The following NRXN1 variants were observed in gnomAD, a reference collection of about 807,000 sequenced individuals.
NRXN1 encodes neurexin-1.
NRXN1 carries 39 observed loss-of-function variants against 150.9 expected under a neutral mutation model. The ratio of observed to expected loss-of-function variants is 0.26; its 90% CI spans 0.20 to 0.34. NRXN1 has a LOEUF of 0.34. Among genes scored for constraint, NRXN1 ranks in the 10% least tolerant of loss-of-function variants. NRXN1 has a pLI of 1.00. For missense variants in NRXN1, 1,815 were observed against 1,949.9 expected (o/e 0.93, Z 1.30); for synonymous variants, 924 against 757.0 (o/e 1.22, Z -3.62).
At chr2:49,994,669 A>G (rs1432232790) in intron 21 of NRXN1, among the ~76,000 whole-genome samples, 1 of 152,164 alleles carries the variant, frequency 6.6e-6, no homozygotes, top group Non-Finnish European at 1.5e-5. Flanking sequence ...AAGACAGAAC[A>G]TGGTCATCCT....
intron 21 of NRXN1, among the ~76,000 whole-genome samples, chr2:49,977,419 A>G (rs1341784355): frequency 6.6e-6 from 1 of 152,186 alleles, no homozygotes; most frequent in Non-Finnish European, 1.5e-5. Flanking sequence ...TATCACAAAT[A>G]ATTATTTGGA....
At chr2:50,942,594 A>C (rs1689634417) in intron 2 of NRXN1, among the ~76,000 whole-genome samples, 1 of 152,198 alleles carries the variant, frequency 6.6e-6, no homozygotes, top group Non-Finnish European at 1.5e-5. Context: ...TGGAGCTTTA[A>C]GATTTAATAA....
chr2:50,396,542 T>C (rs2082061970), intron 17 of NRXN1, among the ~76,000 whole-genome samples: 1 of 152,162 alleles, frequency 6.6e-6, no homozygotes, highest in African/African-American at 2.4e-5. Flanking sequence ...TTTTTTGTTT[T>C]GTTTTTGGAA....
intron 21 of NRXN1, among the ~76,000 whole-genome samples, chr2:50,001,460 AT>A (rs1447530944): frequency 6.6e-6 from 1 of 152,082 alleles, no homozygotes; most frequent in Non-Finnish European, 1.5e-5. Context: ...TTTAGGGGGT[AT>A]ATAAAAGAGT....
intron 21 of NRXN1, among the ~76,000 whole-genome samples, chr2:49,950,085 C>A (rs1031677308): frequency 3.3e-5 from 5 of 151,754 alleles, no homozygotes; most frequent in African/African-American, 1.2e-4. Flanking sequence ...CAAGAAGTTT[C>A]TAGGAGGTAA....
At chr2:51,000,052 G>A (rs77267092) in intron 2 of NRXN1, among the ~76,000 whole-genome samples, 2,769 of 151,972 alleles carry the variant, frequency 0.018, 86 homozygotes, top group African/African-American at 0.064. Context: ...TTCAATTACC[G>A]TGCCCATCTA....
At chr2:50,690,937 C>A (rs1008347872) in intron 5 of NRXN1, among the ~76,000 whole-genome samples, 7 of 152,138 alleles carry the variant, frequency 4.6e-5, no homozygotes, top group Admixed American at 1.3e-4. Context: ...GCCCCCTCAT[C>A]GGGTACAACA....
At chr2:50,623,222 C>T (rs1680362993) in intron 6 of NRXN1, 92 bp downstream of exon 6, 4 of 972,226 alleles carry the variant, frequency 4.1e-6, no homozygotes, top group Admixed American at 4.8e-5. Flanking sequence ...CTCTGAGGAG[C>T]CCTGTATCAT....
chr2:50,408,860 TCTCTCTCTCTCTCTCA>T (rs767589552), intron 17 of NRXN1, among the ~76,000 whole-genome samples: 1 of 114,376 alleles, frequency 8.7e-6, no homozygotes, highest in African/African-American at 4.6e-5. Context: ...TCTCTCTCTC[TCTCTCTCTCTCTCTCA>T]TATTTATATG....
intron 8 of NRXN1, among the ~76,000 whole-genome samples, chr2:50,585,424 T>G (rs546731588): frequency 1.3e-5 from 2 of 152,234 alleles, no homozygotes; most frequent in African/African-American, 4.8e-5. Flanking sequence ...TTTTGCAAGA[T>G]GAAAAAGTTT....
intron 18 of NRXN1, among the ~76,000 whole-genome samples, chr2:50,212,635 C>T (rs1445546274): frequency 6.6e-6 from 1 of 151,858 alleles, no homozygotes; most frequent in African/African-American, 2.4e-5. Flanking sequence ...TGGGACATTA[C>T]AGTTCCTTTA....
intron 5 of NRXN1, among the ~76,000 whole-genome samples, chr2:50,668,714 A>G (rs2104706718): frequency 6.6e-6 from 1 of 152,136 alleles, no homozygotes; most frequent in South Asian, 2.1e-4. Context: ...TTTGGAACGC[A>G]TGGATAGCAT....
rs1667695135 is a variant in NRXN1 at position 50,552,606 on chromosome 2, G to C, written c.1740C>G (p.Phe580Leu). Reference protein sequence around the residue: ...VNDGEWYHVDFQRDGRSGTIS... With the variant: ...VNDGEWYHVDLQRDGRSGTIS... ...GATTACCTGACCGTCCGTCTCTCTG[G>C]AAGTCCACATGATACCATTCTCCAT... The change falls in exon 9 of 23, where the codon TTC becomes TTG. Residue 580 changes from phenylalanine (F) to leucine (L), a missense_variant. Phe to Leu is a conservative substitution (Grantham distance 22). This residue lies in a region of NRXN1 where 638 missense variants were observed against 652.6 expected (regional missense o/e 0.98). Coordinates refer to ENST00000401669, the MANE Select transcript of NRXN1 (RefSeq NM_001330078.2). 6.2e-7 allele frequency: 1 copy of C among 1,612,500 alleles called. No homozygotes were observed. The highest frequency in any genetic ancestry group is 8.5e-7 in the Non-Finnish European group (1 of 1,178,742).
At chr2:50,948,562 T>A (rs563376185) in intron 2 of NRXN1, among the ~76,000 whole-genome samples, 1 of 152,134 alleles carries the variant, frequency 6.6e-6, no homozygotes, top group South Asian at 2.1e-4. Context: ...TTTATTGGAG[T>A]TCATTTCATT....
chr2:50,149,803 A>G (rs1311842307), intron 18 of NRXN1, among the ~76,000 whole-genome samples: 1 of 150,530 alleles, frequency 6.6e-6, no homozygotes, highest in East Asian at 2.0e-4. Context: ...AGTTTAATTG[A>G]AAAAAAAAGC....
At chr2:50,146,582 TAA>T (rs1030675034) in intron 18 of NRXN1, among the ~76,000 whole-genome samples, 16 of 144,840 alleles carry the variant, frequency 1.1e-4, no homozygotes, top group African/African-American at 4.6e-4. Context: ...GCTGTGAAAA[TAA>T]ATGATAAGAT....
chr2:50,326,070 G>T (rs891371798), intron 17 of NRXN1, among the ~76,000 whole-genome samples: 1 of 152,058 alleles, frequency 6.6e-6, no homozygotes. Flanking sequence ...CATTCATAAA[G>T]TGTTTATCAG....
intron 17 of NRXN1, among the ~76,000 whole-genome samples, chr2:50,395,757 G>C (rs2082014460): frequency 6.6e-6 from 1 of 152,064 alleles, no homozygotes; most frequent in East Asian, 1.9e-4. Flanking sequence ...TTTCAGAGAA[G>C]ACAAAACTAA....
chr2:50,913,970 T>G (rs1409291133), intron 5 of NRXN1, among the ~76,000 whole-genome samples: 3 of 151,794 alleles, frequency 2.0e-5, no homozygotes, highest in Non-Finnish European at 4.4e-5. Context: ...CCTTGGTGAT[T>G]ACAGTAATAA....
Sources: allele counts gnomAD v4.1 joint callset (sites outside exome capture counted in the v4.1 genomes callset), GRCh38; gene constraint gnomAD v4.1.1; regional missense constraint gnomAD v4.1.1; transcripts MANE v1.5; gene names NCBI Gene and HGNC (gene_info 2026-07-23, HGNC 2026-07-21).